Variants in COL9A2 observed in about 807,000 individuals in gnomAD.
COL9A2 encodes the protein collagen alpha-2(IX) chain.
COL9A2 carries 66 observed loss-of-function variants against 111.6 expected under a neutral mutation model. The ratio of observed to expected loss-of-function variants is 0.59; its 90% CI spans 0.48 to 0.73. COL9A2 has a LOEUF of 0.73. COL9A2 is among the 30% of genes least tolerant of loss of function. COL9A2 has a pLI of 0.00. For missense variants in COL9A2, 881 were observed against 954.1 expected (o/e 0.92, Z 1.01); for synonymous variants, 353 against 364.1 (o/e 0.97, Z 0.35).
In COL9A2 at chr1:40,311,378, T is replaced by G; in HGVS notation, c.520-92A>C. ...CCGTGCTCTCCTCCGCCTCACCTGGTGGAACCCCTGCACTGCAGCCCCTCC... is the reference window on the plus strand; with the variant it reads ...CCGTGCTCTCCTCCGCCTCACCTGGGGGAACCCCTGCACTGCAGCCCCTCC... On this transcript the variant is annotated intron_variant, in intron 10 of 31. Coordinates refer to ENST00000372748, the MANE Select transcript of COL9A2 (RefSeq NM_001852.4). This position sits in a 1 kb window ranked among gnomAD's most constrained non-coding sequence, Gnocchi z 5.1. 1 of 1,566,928 alleles carries G rather than the reference T, an allele frequency of 6.4e-7. No homozygotes were observed. Among genetic ancestry groups the G allele is most frequent in the South Asian group, 1.1e-5 (1 of 88,492 alleles).
rs1316797731 is a variant in COL9A2, at chr1:40,314,076, GGGGCTCACAGCT to G, written c.249+117_249+128del. On this transcript the variant is annotated intron_variant, in intron 4 of 31. Coordinates refer to ENST00000372748, the MANE Select transcript of COL9A2 (RefSeq NM_001852.4). This position sits in a 1 kb window ranked among gnomAD's most constrained non-coding sequence, Gnocchi z 4.1. ...GGTCACAAGTCATATCAAGGTGAGG[GGGGCTCACAGCT>G]GGAGAATCTCCATCCTGCTGCCCAT... is the stretch of plus-strand genomic sequence containing the variant. 5.3e-5 allele frequency: 54 copies of G among 1,020,252 alleles called. No homozygotes were observed. The East Asian group carries it at 1.3e-3, about 24-fold the overall frequency. The allele number at this position is 1,020,252 out of a possible 1,614,324, so 63.2% of individuals were successfully genotyped here. A position where few individuals can be genotyped will look rare whatever the true frequency, so the allele number is the denominator to read the frequency against.
chr1:40,305,648 G>C, intron 21 of COL9A2, 67 bp downstream of exon 21: 1 of 1,454,780 alleles, frequency 6.9e-7, no homozygotes, highest in Non-Finnish European at 9.7e-7. Context: ...CTCTCCCTAG[G>C]TTAGGGCTCC....
At position 40,312,703 on chromosome 1, in the gene COL9A2, C is replaced by A; in HGVS notation, c.303+28G>T. ...TCCCAAACGCTGGCCCTAGATTGCCCACGCTGAGGCCCCAGCAGGCCCCTT... is the reference window on the plus strand; with the variant it reads ...TCCCAAACGCTGGCCCTAGATTGCCAACGCTGAGGCCCCAGCAGGCCCCTT... On this transcript the variant is annotated intron_variant, in intron 5 of 31. Coordinates refer to ENST00000372748, the MANE Select transcript of COL9A2 (RefSeq NM_001852.4). The surrounding 1 kb of genome is among the most constrained non-coding windows in gnomAD (Gnocchi z 6.0). 2 of 1,569,528 alleles carry A rather than the reference C, an allele frequency of 1.3e-6. No homozygotes were observed. Among genetic ancestry groups the A allele is most frequent in the South Asian group, 1.2e-5 (1 of 86,220 alleles).
At position 40,303,785 on chromosome 1, in the gene COL9A2, A is replaced by G; in HGVS notation, c.1401+22T>C. ...AGTGGCCGCCCAGGAAAGTCGGAGAACGCCGGGAGGGGAGGACTCACCTGT... is the reference window on the plus strand; with the variant it reads ...AGTGGCCGCCCAGGAAAGTCGGAGAGCGCCGGGAGGGGAGGACTCACCTGT... On this transcript the variant is annotated intron_variant, in intron 27 of 31. Coordinates refer to ENST00000372748, the MANE Select transcript of COL9A2 (RefSeq NM_001852.4). This position sits in a 1 kb window ranked among gnomAD's most constrained non-coding sequence, Gnocchi z 4.6. 6.5e-7 allele frequency: 1 copy of G among 1,546,920 alleles called. No homozygotes were observed. The highest frequency in any genetic ancestry group is 8.7e-7 in the Non-Finnish European group (1 of 1,150,374).
intron 31 of COL9A2, 143 bp downstream of exon 31, chr1:40,301,669 G>A (rs1027099993): frequency 2.5e-6 from 2 of 790,640 alleles, no homozygotes; most frequent in South Asian, 3.7e-5. Flanking sequence ...AGACTCCGGG[G>A]TGCTCCAAAG....
intron 16 of COL9A2, among the ~76,000 whole-genome samples, chr1:40,309,469 C>T (rs964013600): frequency 3.3e-5 from 5 of 150,764 alleles, no homozygotes; most frequent in African/African-American, 7.3e-5. Context: ...GAACTGGGAT[C>T]GAGACCAAAT....
intron 31 of COL9A2, 56 bp from the exon 32 acceptor site, chr1:40,301,437 T>C: frequency 6.6e-7 from 1 of 1,512,744 alleles, no homozygotes; most frequent in Non-Finnish European, 8.9e-7. Flanking sequence ...AGGCCCAGAA[T>C]TTTGAAGGTG....
chr1:40,301,648 G>C (rs1277751684), intron 31 of COL9A2, among the ~76,000 whole-genome samples, 164 bp downstream of exon 31: 1 of 152,228 alleles, frequency 6.6e-6, no homozygotes, highest in East Asian at 1.9e-4. Context: ...TCCAGAGCTG[G>C]AACCACCCAG....
In COL9A2 at chr1:40,312,885, C is replaced by CT; in HGVS notation, c.250-102dup. 2 of 978,680 alleles carry CT rather than the reference C, an allele frequency of 2.0e-6. No homozygotes were observed. Among genetic ancestry groups the CT allele is most frequent in the Non-Finnish European group, 3.2e-6 (2 of 628,980 alleles). The allele number at this position is 978,680 out of a possible 1,614,324, so 60.6% of individuals were successfully genotyped here. On this transcript the variant is annotated intron_variant, in intron 4 of 31. Transcript: ENST00000372748. The surrounding 1 kb of genome is among the most constrained non-coding windows in gnomAD (Gnocchi z 6.0). ...GTCCCTCCTGGGTGGGCCGAGGCTC[C>CT]TTTTTGCCACACCTCATGAAGGCCT... is the stretch of plus-strand genomic sequence containing the variant.
At position 40,301,003 on chromosome 1, in the gene COL9A2, C is replaced by G. The variant is rs1173020708; in HGVS notation, c.*179G>C. 1 of 652,796 alleles carries G rather than the reference C, an allele frequency of 1.5e-6. No homozygotes were observed. The highest frequency in any genetic ancestry group is 2.7e-5 in the Admixed American group (1 of 37,114). 40.4% of individuals were successfully genotyped at this position (652,796 alleles called of 1,614,324 possible). On this transcript the variant is annotated 3_prime_UTR_variant, in exon 32 of 32. Transcript: ENST00000372748. ...GTGTTGGCCTCACTTTTTCACCCAT[C>G]AGTGCTCTACCTCCCCTTCCCCCAT... is the stretch of plus-strand genomic sequence containing the variant.
At chr1:40,313,827 G>A (rs538120934) in intron 4 of COL9A2, among the ~76,000 whole-genome samples, 1 of 152,306 alleles carries the variant, frequency 6.6e-6, no homozygotes, top group East Asian at 1.9e-4. Flanking sequence ...CATGCCTGGG[G>A]CTGTGGGTAG....
chr1:40,301,400 C>A lies in COL9A2; in HGVS notation c.1871-19G>T. 1.3e-6 allele frequency: 2 copies of A among 1,599,852 alleles called. No homozygotes were observed. Among genetic ancestry groups the A allele is most frequent in the South Asian group, 2.2e-5 (2 of 89,468 alleles). ...GGGAGTCCTGTGAACAGGAGAAAGT[C>A]AAGACATTAGGGGCACCTCTTGTCT... On this transcript the variant is annotated intron_variant, in intron 31 of 31. Transcript: ENST00000372748.
At position 40,314,707 on chromosome 1, in the gene COL9A2, C is replaced by T. The variant is rs911119176; in HGVS notation, c.151-320G>A. 3.3e-5 allele frequency among the ~76,000 whole-genome samples: 5 copies of T among 152,100 alleles called. No individual in the cohort carries two copies. Among genetic ancestry groups the T allele is most frequent in the African/African-American group, 1.2e-4 (5 of 41,398 alleles). On this transcript the variant is annotated intron_variant, in intron 2 of 31. Transcript: ENST00000372748. The surrounding 1 kb of genome is among the most constrained non-coding windows in gnomAD (Gnocchi z 4.1). Reference sequence around the variant, plus strand: ...CAGGGCTGGGGGCTCCAAGCTGATGCCTCTTGGATTTGGGCACGTGTGGGA... The same window carrying T: ...CAGGGCTGGGGGCTCCAAGCTGATGTCTCTTGGATTTGGGCACGTGTGGGA...
chr1:40,310,057 G>C lies in COL9A2; in HGVS notation c.792+54C>G. On this transcript the variant is annotated intron_variant, in intron 15 of 31. Coordinates refer to ENST00000372748, the MANE Select transcript of COL9A2 (RefSeq NM_001852.4). The surrounding 1 kb of genome is among the most constrained non-coding windows in gnomAD (Gnocchi z 4.9). ...CAGGGGGAGCCATGCCCACTCTGTG[G>C]CTGTAGCTGTAGGAGCTCCAGCCTC... 1.4e-5 allele frequency: 23 copies of C among 1,613,400 alleles called. No individual in the cohort carries two copies. The highest frequency in any genetic ancestry group is 1.8e-5 in the Non-Finnish European group (21 of 1,179,306).
At position 40,302,889 on chromosome 1, in the gene COL9A2, C is replaced by T; in HGVS notation, c.1604-80G>A. 1.4e-6 allele frequency: 2 copies of T among 1,399,538 alleles called. No homozygotes were observed. The highest frequency in any genetic ancestry group is 3.9e-5 in the Admixed American group (2 of 50,776). 86.7% of individuals were successfully genotyped at this position (1,399,538 alleles called of 1,614,324 possible). On this transcript the variant is annotated intron_variant, in intron 29 of 31. Coordinates refer to ENST00000372748, the MANE Select transcript of COL9A2 (RefSeq NM_001852.4). This position sits in a 1 kb window ranked among gnomAD's most constrained non-coding sequence, Gnocchi z 4.5. ...GTAACACTAGGGGAGGCAGAGCATT[C>T]CGATGGGCCCTGGCCCCTAGGTTTG...
rs771439599 is a variant in COL9A2 at position 40,304,374 on chromosome 1, C to A, written c.1233G>T (p.Gln411His). Reference protein sequence around the residue: ...PQGRQGPKGEQGPPGIPGPQG... With the variant: ...PQGRQGPKGEHGPPGIPGPQG... ...GGGGCCCTGGAATTCCGGGGGGGCCCTGCTCCCCCTTAGGGCCCTGAGGAG... is the reference window on the plus strand; with the variant it reads ...GGGGCCCTGGAATTCCGGGGGGGCCATGCTCCCCCTTAGGGCCCTGAGGAG... The change falls in exon 24 of 32, where the codon CAG (glutamine) becomes CAT (histidine). Residue 411 changes from glutamine (Q) to histidine (H), a missense_variant. Coordinates refer to ENST00000372748, the MANE Select transcript of COL9A2 (RefSeq NM_001852.4). 6 of 1,590,812 alleles carry A rather than the reference C, an allele frequency of 3.8e-6. No individual in the cohort carries two copies. Among genetic ancestry groups the A allele is most frequent in the Non-Finnish European group, 5.1e-6 (6 of 1,168,042 alleles).
At position 40,307,459 on chromosome 1, in the gene COL9A2, T is replaced by G. The variant is rs555032997; in HGVS notation, c.995A>C (p.His332Pro). The G allele has an allele frequency of 1.9e-6, 3 of 1,614,092 alleles. No individual in the cohort carries two copies. The highest frequency in any genetic ancestry group is 2.2e-5 in the East Asian group (1 of 44,882). ...GQAGQPGSPG[H>P]QGLAGVPGQP... ...CCTGACACTTACCGCTAGGCCCTGG[T>G]GGCCTGGACTTCCGGGCTGTCCCGC... Residue 332 changes from histidine to proline, a missense_variant, in exon 19 of 32, where the codon CAC becomes CCC. Physicochemically the swap from His to Pro is moderately conservative, Grantham distance 77. Coordinates refer to ENST00000372748, the MANE Select transcript of COL9A2 (RefSeq NM_001852.4). The surrounding 1 kb of genome is among the most constrained non-coding windows in gnomAD (Gnocchi z 4.8).
Position 40,309,943 on chromosome 1 carries a change from C to T in COL9A2, c.841G>A (p.Asp281Asn). ...GPPGRAGEKG[D>N]EGSPGIRGPQ... ...ATGGGTGCCTGAGGACTCACCTCGTCACCCTTCTCCCCAGCTCGGCCTGGC... is the reference window on the plus strand; with the variant it reads ...ATGGGTGCCTGAGGACTCACCTCGTTACCCTTCTCCCCAGCTCGGCCTGGC... Residue 281 changes from aspartate to asparagine, a missense_variant, in exon 16 of 32, where the codon GAC (aspartate) becomes AAC (asparagine). Asp to Asn is a conservative substitution (Grantham distance 23, BLOSUM62 1). Coordinates refer to ENST00000372748, the MANE Select transcript of COL9A2 (RefSeq NM_001852.4). 2.5e-6 allele frequency: 4 copies of T among 1,613,750 alleles called. No individual in the cohort carries two copies. The highest frequency in any genetic ancestry group is 3.4e-6 in the Non-Finnish European group (4 of 1,180,020).
Position 40,302,691 on chromosome 1 carries a change from C to T in COL9A2, c.1722G>A (p.Gly574=). 1.3e-6 allele frequency: 2 copies of T among 1,592,296 alleles called. No homozygotes were observed. The highest frequency in any genetic ancestry group is 1.3e-5 in the African/African-American group (1 of 74,424). The change falls in exon 30 of 32, where the codon GGG becomes GGA. Residue 574 remains glycine (G), a synonymous_variant. Coordinates refer to ENST00000372748, the MANE Select transcript of COL9A2 (RefSeq NM_001852.4). This position sits in a 1 kb window ranked among gnomAD's most constrained non-coding sequence, Gnocchi z 4.5. The part of the protein sequence containing the change: ...PGYPGKQGPH[G]HPGPRGVPGI... ...CAGGAACGCCCCGAGGGCCAGGGTG[C>T]CCATGGGGGCCCTGCTTGCCTGGGT...
Sources: gnomAD v4.1 joint callset for allele counts (sites outside exome capture counted in the v4.1 genomes callset) on GRCh38, gnomAD v4.1.1 for gene constraint, Gnocchi (gnomAD v3.1) non-coding constraint, MANE v1.5 for transcripts, NCBI Gene and HGNC (gene_info 2026-07-23, HGNC 2026-07-21) for gene names.